The following CADM2 variants were observed in gnomAD, a reference collection of about 807,000 sequenced individuals.
CADM2 encodes cell adhesion molecule 2, also known as immunoglobulin superfamily member 4D.
Under a neutral mutation model 49.8 loss-of-function variants are expected in CADM2, and 12 were observed. The ratio of observed to expected loss-of-function variants is 0.24; its 90% CI spans 0.15 to 0.39. The LOEUF (loss-of-function observed/expected upper bound fraction) is 0.39, where lower values mean the gene tolerates loss of function less well. Ranked by LOEUF, CADM2 falls within the 10% of genes least tolerant of loss-of-function variation. The pLI is 1.00. For missense variants in CADM2, 378 were observed against 492.3 expected, an observed-to-expected ratio of 0.77 and a Z score of 2.20; for synonymous variants, 214 against 175.4, an observed-to-expected ratio of 1.22 and a Z score of -1.74.
At chr3:85,217,693 C>T (rs1253691701) in intron 1 of CADM2, among the ~76,000 whole-genome samples, 1 of 152,000 alleles carries the variant, frequency 6.6e-6, no homozygotes, top group Admixed American at 6.6e-5. Flanking sequence ...TCACTTGTGG[C>T]CACTTAGTGT....
intron 1 of CADM2, among the ~76,000 whole-genome samples, chr3:85,154,134 T>C (rs1208804643): frequency 6.6e-6 from 1 of 151,988 alleles, no homozygotes; most frequent in African/African-American, 2.4e-5. Flanking sequence ...GATGATCAAA[T>C]TACTCCGAGC....
intron 1 of CADM2, among the ~76,000 whole-genome samples, chr3:85,711,432 T>G (rs1240987314): frequency 1.3e-5 from 2 of 151,268 alleles, no homozygotes; most frequent in African/African-American, 4.9e-5. Context: ...TAAGGAAACT[T>G]TAAAAAAATA....
At chr3:85,596,177 A>T (rs1265712667) in intron 1 of CADM2, among the ~76,000 whole-genome samples, 1 of 151,516 alleles carries the variant, frequency 6.6e-6, no homozygotes, top group East Asian at 1.9e-4. Context: ...TTATTACTTT[A>T]TTTTATTTTT....
chr3:85,093,657 C>T (rs563493099), intron 1 of CADM2, among the ~76,000 whole-genome samples: 101 of 151,926 alleles, frequency 6.6e-4, no homozygotes, highest in Non-Finnish European at 1.1e-3. Flanking sequence ...ATAATATTTC[C>T]GAGCACTAGC....
chr3:85,272,890 A>G (rs1318711000), intron 1 of CADM2, among the ~76,000 whole-genome samples: 1 of 151,326 alleles, frequency 6.6e-6, no homozygotes, highest in African/African-American at 2.4e-5. Context: ...AAGGAAAGAC[A>G]GACACTAAGC....
intron 1 of CADM2, among the ~76,000 whole-genome samples, chr3:85,078,941 C>T (rs982896154): frequency 6.6e-6 from 1 of 151,598 alleles, no homozygotes; most frequent in African/African-American, 2.4e-5. Flanking sequence ...AACATTATCA[C>T]TGTTGTAACT....
At chr3:85,624,453 C>T (rs1160268842) in intron 1 of CADM2, among the ~76,000 whole-genome samples, 1 of 152,108 alleles carries the variant, frequency 6.6e-6, no homozygotes, top group Non-Finnish European at 1.5e-5. Context: ...CTGCCTCAGC[C>T]TCCTGAGTAG....
At chr3:85,818,739 A>G (rs2108170464) in intron 3 of CADM2, among the ~76,000 whole-genome samples, 1 of 152,284 alleles carries the variant, frequency 6.6e-6, no homozygotes, top group East Asian at 1.9e-4. Flanking sequence ...CAGCTATAGA[A>G]AGAGAGGCTT....
intron 5 of CADM2, among the ~76,000 whole-genome samples, chr3:85,889,324 G>T (rs975840614): frequency 6.6e-6 from 1 of 152,106 alleles, no homozygotes; most frequent in Non-Finnish European, 1.5e-5. Flanking sequence ...TAGAACAGTG[G>T]TTCTGAAGCT....
intron 8 of CADM2, among the ~76,000 whole-genome samples, chr3:85,996,256 C>T (rs1384355703): frequency 2.0e-5 from 3 of 149,250 alleles, no homozygotes; most frequent in Non-Finnish European, 4.5e-5. Flanking sequence ...CCTGAAAGGC[C>T]TTGCCAAGTT....
At chr3:85,708,164 A>G (rs960046532) in intron 1 of CADM2, among the ~76,000 whole-genome samples, 1 of 152,184 alleles carries the variant, frequency 6.6e-6, no homozygotes, top group African/African-American at 2.4e-5. Flanking sequence ...AAACATGTCA[A>G]ATCTTTTTAG....
At chr3:86,054,848 A>G (rs146019965) in intron 8 of CADM2, among the ~76,000 whole-genome samples, 10 of 152,242 alleles carry the variant, frequency 6.6e-5, no homozygotes, top group Non-Finnish European at 1.2e-4. Context: ...CACAGAATAC[A>G]TTGCCAAAAT....
chr3:85,117,949 G>T (rs1032660043), intron 1 of CADM2, among the ~76,000 whole-genome samples: 8 of 152,032 alleles, frequency 5.3e-5, no homozygotes, highest in Non-Finnish European at 1.0e-4. Flanking sequence ...TCTAAAAATT[G>T]TATTCTTCTC....
At chr3:85,116,065 G>A (rs1020297641) in intron 1 of CADM2, among the ~76,000 whole-genome samples, 1 of 152,204 alleles carries the variant, frequency 6.6e-6, no homozygotes, top group South Asian at 2.1e-4. Flanking sequence ...AGTGGCTCAC[G>A]CCTGTAATCC....
intron 2 of CADM2, among the ~76,000 whole-genome samples, chr3:85,731,486 T>G (rs546471222): frequency 2.5e-4 from 38 of 152,288 alleles, no homozygotes; most frequent in South Asian, 1.7e-3. Flanking sequence ...CAGTGAGCAC[T>G]TAGTAAATTG....
At chr3:85,762,271 G>C (rs150259629) in intron 2 of CADM2, among the ~76,000 whole-genome samples, 3 of 152,008 alleles carry the variant, frequency 2.0e-5, no homozygotes, top group South Asian at 2.1e-4. Context: ...ACTCTTTGCC[G>C]TGTGTACCTA....
chr3:85,164,693 G>A (rs1416611659), intron 1 of CADM2, among the ~76,000 whole-genome samples: 13 of 151,998 alleles, frequency 8.6e-5, no homozygotes, highest in Non-Finnish European at 1.5e-5. Flanking sequence ...TAGAATGAGA[G>A]AATGTGCCCC....
chr3:85,283,956 G>C, intron 1 of CADM2, among the ~76,000 whole-genome samples: 1 of 152,206 alleles, frequency 6.6e-6, no homozygotes, highest in Admixed American at 6.5e-5. Flanking sequence ...TTGAAGCAGG[G>C]ACAATAATTT....
At position 85,912,620 on chromosome 3, in the gene CADM2, A is replaced by T. The variant is rs1025982909; in HGVS notation, c.700+77A>T. ...CTGCATCTAAAATCATTTCAAAACT[A>T]CCTGAAGTTATAGCAAAGGTGCAGT... On this transcript the variant is annotated intron_variant, in intron 6 of 9. Transcript: ENST00000383699. 1.1e-5 allele frequency: 15 copies of T among 1,421,366 alleles called. No homozygotes were observed. The South Asian group carries it at 2.0e-4, about 19-fold the overall frequency. 88.0% of individuals were successfully genotyped at this position (1,421,366 alleles called of 1,614,324 possible). A position where few individuals can be genotyped will look rare whatever the true frequency, so the allele number is the denominator to read the frequency against.
Sources: gnomAD v4.1 joint callset for allele counts (sites outside exome capture counted in the v4.1 genomes callset) on GRCh38, gnomAD v4.1.1 for gene constraint, MANE v1.5 for transcripts, NCBI Gene and HGNC (gene_info 2026-07-23, HGNC 2026-07-21) for gene names.